TAFA5: variants seen among roughly 807,000 people sequenced by gnomAD.
The protein encoded by TAFA5 is chemokine-like protein TAFA-5.
In TAFA5, 6 loss-of-function variants were observed where a neutral mutation model predicts 15.3. That is an observed-to-expected ratio of 0.39 (90% CI 0.21 to 0.77). The LOEUF (loss-of-function observed/expected upper bound fraction) is 0.77, where lower values mean the gene tolerates loss of function less well. TAFA5 is among the 30% of genes least tolerant of loss of function. The probability of loss-of-function intolerance (pLI) is 0.41; values close to 1 mark genes in which losing one functional copy is unlikely to be tolerated. For synonymous variants in TAFA5, 103 were observed against 80.7 expected (o/e 1.28, Z -1.48); for missense variants, 161 against 193.1 (o/e 0.83, Z 0.98).
At chr22:48,551,395 G>A (rs994520821) in intron 1 of TAFA5, among the ~76,000 whole-genome samples, 7 of 152,166 alleles carry the variant, frequency 4.6e-5, no homozygotes, top group African/African-American at 1.4e-4. Context: ...CAGCAGACCC[G>A]TATCCTCTCC....
intron 1 of TAFA5, among the ~76,000 whole-genome samples, chr22:48,605,705 T>G (rs958079692): frequency 6.6e-6 from 1 of 152,184 alleles, no homozygotes. Context: ...AACTTCAACT[T>G]GAGCCTGATT....
At chr22:48,501,372 C>T (rs1293654954) in intron 1 of TAFA5, among the ~76,000 whole-genome samples, 6 of 152,234 alleles carry the variant, frequency 3.9e-5, no homozygotes, top group Non-Finnish European at 2.9e-5. Flanking sequence ...TGCATTTTCC[C>T]GCCCTCGCGT....
intron 1 of TAFA5, among the ~76,000 whole-genome samples, chr22:48,577,773 G>A (rs1463880879): frequency 6.6e-6 from 1 of 152,230 alleles, no homozygotes; most frequent in Non-Finnish European, 1.5e-5. Flanking sequence ...AGGAGGGCCA[G>A]GTCTGAAGGG....
At chr22:48,720,733 C>T (rs1011141392) in intron 3 of TAFA5, among the ~76,000 whole-genome samples, 2 of 150,514 alleles carry the variant, frequency 1.3e-5, no homozygotes, top group East Asian at 1.9e-4. Context: ...GTCCCCACCA[C>T]GCTGGCACCT....
intron 1 of TAFA5, among the ~76,000 whole-genome samples, chr22:48,592,717 G>C (rs1924616434): frequency 6.6e-6 from 1 of 151,046 alleles, no homozygotes; most frequent in Non-Finnish European, 1.5e-5. Flanking sequence ...GTTCTTGCCT[G>C]CCCTCCTGCT....
At chr22:48,634,688 C>G (rs1031756497) in intron 1 of TAFA5, among the ~76,000 whole-genome samples, 2 of 152,118 alleles carry the variant, frequency 1.3e-5, no homozygotes, top group Non-Finnish European at 2.9e-5. Context: ...CAGTCAATCA[C>G]TCAGTCAGTC....
At position 48,497,119 on chromosome 22, in the gene TAFA5, C is replaced by T. The variant is rs1928356322; in HGVS notation, c.112+7415C>T. 2.0e-5 allele frequency among the ~76,000 whole-genome samples: 3 copies of T among 152,312 alleles called. No individual in the cohort carries two copies. The South Asian group carries it at 6.2e-4, about 32-fold the overall frequency. On this transcript the variant is annotated intron_variant, in intron 1 of 3. Coordinates refer to ENST00000402357, the MANE Select transcript of TAFA5 (RefSeq NM_001082967.3). Reference sequence around the variant, plus strand: ...GTGCCAGCTCCACTCCCCACGGGCTCGGGGCTCCCCAGCAGTGGCCCATCC... The same window carrying T: ...GTGCCAGCTCCACTCCCCACGGGCTTGGGGCTCCCCAGCAGTGGCCCATCC...
intron 1 of TAFA5, among the ~76,000 whole-genome samples, chr22:48,580,826 G>A (rs1028953666): frequency 2.6e-5 from 4 of 152,220 alleles, no homozygotes; most frequent in Non-Finnish European, 5.9e-5. Flanking sequence ...TGCGTGTGGA[G>A]GGGTGCTGGG....
intron 3 of TAFA5, among the ~76,000 whole-genome samples, chr22:48,722,240 C>T (rs1929589947): frequency 6.6e-6 from 1 of 152,156 alleles, no homozygotes; most frequent in Admixed American, 6.6e-5. Context: ...TTCTAATTGG[C>T]GTGAGGTGGT....
chr22:48,700,352 A>G (rs1202301554), intron 2 of TAFA5, among the ~76,000 whole-genome samples: 1 of 152,132 alleles, frequency 6.6e-6, no homozygotes, highest in Non-Finnish European at 1.5e-5. Flanking sequence ...CTTTCCACAC[A>G]CACTAGGCCG....
chr22:48,725,415 G>A (rs569564141), intron 3 of TAFA5, among the ~76,000 whole-genome samples: 8 of 152,158 alleles, frequency 5.3e-5, no homozygotes, highest in Non-Finnish European at 7.3e-5. Context: ...TTAGGGCAGA[G>A]GTAGCTCTGA....
intron 2 of TAFA5, among the ~76,000 whole-genome samples, chr22:48,698,093 A>ATGGTGG (rs1242122487): frequency 1.5e-5 from 2 of 134,958 alleles, no homozygotes; most frequent in Non-Finnish European, 3.2e-5. Context: ...GGTGGTGATA[A>ATGGTGG]TGGTGGTGGT....
At chr22:48,665,400 T>G (rs1447211167) in intron 2 of TAFA5, among the ~76,000 whole-genome samples, 1 of 152,210 alleles carries the variant, frequency 6.6e-6, no homozygotes, top group Non-Finnish European at 1.5e-5. Context: ...TAAGTCGAAT[T>G]GATTCATCTT....
At position 48,645,836 on chromosome 22, in the gene TAFA5, C is replaced by A. The variant is rs74740665; in HGVS notation, c.113-761C>A. ...CTGAGACCCCTGGCCTTAGTGTGCT[C>A]ACACCTGGGTGCCACCCGTGTAAAC... is the stretch of plus-strand genomic sequence containing the variant. On this transcript the variant is annotated intron_variant, in intron 1 of 3. Transcript: ENST00000402357. Among the ~76,000 whole-genome samples the A allele has an allele frequency of 1.2e-3, 178 of 152,276 alleles. 4 individuals carry two copies. In the East Asian group the frequency reaches 0.031, roughly 27 times the overall value.
At chr22:48,691,634 G>A (rs922766179) in intron 2 of TAFA5, among the ~76,000 whole-genome samples, 2 of 152,226 alleles carry the variant, frequency 1.3e-5, no homozygotes, top group African/African-American at 4.8e-5. Context: ...CCTGCTGCAG[G>A]CGCTCAGTCC....
intron 2 of TAFA5, among the ~76,000 whole-genome samples, chr22:48,694,111 C>T (rs1350942251): frequency 6.6e-6 from 1 of 152,192 alleles, no homozygotes; most frequent in Non-Finnish European, 1.5e-5. Context: ...TGACCTTGGG[C>T]AGACTTCTTG....
chr22:48,556,209 G>C (rs891280474), intron 1 of TAFA5, among the ~76,000 whole-genome samples: 1 of 152,152 alleles, frequency 6.6e-6, no homozygotes, highest in Non-Finnish European at 1.5e-5. Flanking sequence ...CCAGGGGACT[G>C]TGAGAAGAGG....
At chr22:48,710,401 G>A (rs187395894) in intron 3 of TAFA5, among the ~76,000 whole-genome samples, 70 of 152,216 alleles carry the variant, frequency 4.6e-4, no homozygotes, top group African/African-American at 1.5e-3. Flanking sequence ...CACCCAGAAC[G>A]CCTGTCTTCT....
chr22:48,709,210 C>T (rs938300676), intron 3 of TAFA5, among the ~76,000 whole-genome samples: 1 of 152,154 alleles, frequency 6.6e-6, no homozygotes, highest in Non-Finnish European at 1.5e-5. Context: ...CCGAGGCATG[C>T]GGACAGGACA....
Sources: allele counts gnomAD v4.1 joint callset (sites outside exome capture counted in the v4.1 genomes callset), GRCh38; gene constraint gnomAD v4.1.1; transcripts MANE v1.5; gene names NCBI Gene and HGNC (gene_info 2026-07-23, HGNC 2026-07-21).